ZFP69: variants seen among roughly 807,000 people sequenced by gnomAD.
ZFP69 encodes ZFP69 zinc finger protein.
A neutral mutation model predicts 48.9 loss-of-function variants in ZFP69; 35 were observed. The observed-to-expected ratio is 0.72, with a 90% confidence interval of 0.55 to 0.95. ZFP69 has a LOEUF of 0.95. Among genes scored for constraint, ZFP69 ranks in the 40% least tolerant of loss-of-function variants. The pLI is 0.00. For synonymous variants in ZFP69, 193 were observed against 216.8 expected (o/e 0.89, Z 0.96); for missense variants, 557 against 638.4 (o/e 0.87, Z 1.37).
At position 40,495,683 on chromosome 1, in the gene ZFP69, T is replaced by C. The variant is rs559506806; in HGVS notation, c.1205T>C (p.Ile402Thr). 59 of 1,614,180 alleles carry C rather than the reference T, an allele frequency of 3.7e-5. No homozygotes were observed. In the Admixed American group the frequency reaches 5.8e-4, roughly 16 times the overall value. ...FRQIRHLSEH[I>T]RIHTGEKPYA... is the part of the protein sequence containing the mutation. ...CAGATTAGACACCTTAGTGAACATA[T>C]AAGAATTCATACCGGGGAGAAGCCC... Residue 402 changes from isoleucine (I) to threonine (T), a missense_variant, in exon 6 of 6, where the codon ATA becomes ACA. Physicochemically the swap from Ile to Thr is moderately conservative, Grantham distance 89. Transcript: ENST00000372706.
intron 5 of ZFP69, among the ~76,000 whole-genome samples, chr1:40,494,186 T>G (rs550004929): frequency 1.3e-5 from 2 of 151,956 alleles, no homozygotes; most frequent in East Asian, 3.9e-4. Flanking sequence ...TTAAAAATAC[T>G]TATATTCTTA....
chr1:40,486,570 C>A (rs1403003681), intron 3 of ZFP69, among the ~76,000 whole-genome samples: 1 of 133,222 alleles, frequency 7.5e-6, no homozygotes, highest in African/African-American at 3.1e-5. Context: ...AAGTGTGCGC[C>A]ACCATGCCTG....
Position 40,495,288 on chromosome 1 carries a change from C to G in ZFP69, c.810C>G (p.Thr270=). 1.9e-6 allele frequency: 3 copies of G among 1,613,978 alleles called. No homozygotes were observed. Among genetic ancestry groups the G allele is most frequent in the Non-Finnish European group, 2.5e-6 (3 of 1,179,966 alleles). The change falls in exon 6 of 6, where the codon ACC becomes ACG. Residue 270 remains threonine (T), a synonymous_variant. Coordinates refer to ENST00000372706, the MANE Select transcript of ZFP69 (RefSeq NM_001320179.2). ...CAACAAGTTACATAAGAACAAAAACCTATGAATGTAATATATGTGAAAAAA... is the reference window on the plus strand; with the variant it reads ...CAACAAGTTACATAAGAACAAAAACGTATGAATGTAATATATGTGAAAAAA... ...NHPTSYIRTK[T]YECNICEKIF...
In ZFP69 at chr1:40,496,250, G is replaced by C. The variant is rs1259306163; in HGVS notation, c.*191G>C. 1 of 464,772 alleles carries C rather than the reference G, an allele frequency of 2.2e-6. No homozygotes were observed. Among genetic ancestry groups the C allele is most frequent in the Non-Finnish European group, 3.6e-6 (1 of 274,256 alleles). 28.8% of individuals were successfully genotyped at this position (464,772 alleles called of 1,614,324 possible). A position where few individuals can be genotyped will look rare whatever the true frequency, so the allele number is the denominator to read the frequency against. On this transcript the variant is annotated 3_prime_UTR_variant, in exon 6 of 6. Transcript: ENST00000372706. Reference sequence around the variant, plus strand: ...TAAAAAGTACTTAAGATTAAAATCTGGTCCTTAAAATTAAATGAATTCAGC... The same window carrying C: ...TAAAAAGTACTTAAGATTAAAATCTCGTCCTTAAAATTAAATGAATTCAGC...
chr1:40,482,806 A>G (rs1645455536), intron 3 of ZFP69, among the ~76,000 whole-genome samples: 1 of 152,364 alleles, frequency 6.6e-6, no homozygotes, highest in Non-Finnish European at 1.5e-5. Flanking sequence ...CTAAGTGTTT[A>G]TACATGTGAT....
In ZFP69 at chr1:40,481,759, C is replaced by G; in HGVS notation, c.128-4C>G. ...CAAAGCTCATGGCTCTTTTCCTTCC[C>G]CAGCTCTGCTGTCTCAGGATGCTGA... On this transcript the variant is annotated splice_polypyrimidine_tract_variant and splice_region_variant and intron_variant, in intron 2 of 5. Coordinates refer to ENST00000372706, the MANE Select transcript of ZFP69 (RefSeq NM_001320179.2). The G allele has an allele frequency of 6.2e-7, 1 of 1,602,370 alleles. No individual in the cohort carries two copies. Among genetic ancestry groups the G allele is most frequent in the Non-Finnish European group, 8.5e-7 (1 of 1,172,938 alleles).
At chr1:40,494,684 G>A in intron 5 of ZFP69, among the ~76,000 whole-genome samples, 1 of 141,802 alleles carries the variant, frequency 7.1e-6, no homozygotes, top group Admixed American at 7.2e-5. Context: ...TAAATATTTG[G>A]TATATAAAAT....
rs186937407 is a variant in ZFP69, at chr1:40,484,621, C to T, written c.219+2767C>T. Among the ~76,000 whole-genome samples the T allele has an allele frequency of 2.1e-3, 323 of 151,940 alleles. 4 individuals carry two copies. Among genetic ancestry groups the T allele is most frequent in the African/African-American group, 7.6e-3 (316 of 41,436 alleles). On this transcript the variant is annotated intron_variant, in intron 3 of 5. Coordinates refer to ENST00000372706, the MANE Select transcript of ZFP69 (RefSeq NM_001320179.2). ...ATTGAGACAGAGTCTTGCTCTGTTG[C>T]CCAGGCTGGAGTGCAGTGGTGCAAT...
chr1:40,494,452 T>G, intron 5 of ZFP69, among the ~76,000 whole-genome samples: 1 of 145,760 alleles, frequency 6.9e-6, no homozygotes, highest in East Asian at 2.0e-4. Flanking sequence ...GTATTTTTAG[T>G]AGAGACGGGG....
intron 5 of ZFP69, among the ~76,000 whole-genome samples, chr1:40,494,252 CAA>C (rs765375480): frequency 1.3e-5 from 1 of 79,668 alleles, no homozygotes; most frequent in Non-Finnish European, 2.2e-5. Flanking sequence ...CTAAAAGATT[CAA>C]AATTTTTTTT....
chr1:40,480,067 C>G (rs1368470000), intron 2 of ZFP69, among the ~76,000 whole-genome samples: 1 of 152,156 alleles, frequency 6.6e-6, no homozygotes, highest in Non-Finnish European at 1.5e-5. Flanking sequence ...ATGCTTTACA[C>G]TCAGCCAGTA....
chr1:40,489,432 T>C (rs889914728), intron 4 of ZFP69, 97 bp from the exon 5 acceptor site: 1 of 1,227,974 alleles, frequency 8.1e-7, no homozygotes, highest in Middle Eastern at 2.2e-4. Flanking sequence ...CCCTTTCCAC[T>C]TGTGGAGACC....
In ZFP69 at chr1:40,495,423, TAC is replaced by T. The variant is rs761437662; in HGVS notation, c.950_951del (p.His317ProfsTer7). On this transcript the variant is annotated frameshift_variant, in exon 6 of 6. Transcript: ENST00000372706. LOFTEE classifies it high-confidence loss of function. ...RAFSQSASLS[T>X]HQRIHTGEKP... ...CCTTTAGTCAAAGTGCATCCCTCAG[TAC>T]ACACCAGAGAATCCATACTGGTGAG... The T allele has an allele frequency of 6.2e-6, 10 of 1,614,170 alleles. No homozygotes were observed. The highest frequency in any genetic ancestry group is 7.6e-6 in the Non-Finnish European group (9 of 1,180,024).
At chr1:40,486,067 CTTATTTTATT>C (rs912893257) in intron 3 of ZFP69, among the ~76,000 whole-genome samples, 1 of 151,820 alleles carries the variant, frequency 6.6e-6, no homozygotes, top group African/African-American at 2.4e-5. Flanking sequence ...CCACACCCGC[CTTATTTTATT>C]TTATTTTATT....
chr1:40,496,232 T>C lies in ZFP69; in HGVS notation c.*173T>C. On this transcript the variant is annotated 3_prime_UTR_variant, in exon 6 of 6. Transcript: ENST00000372706. ...ATTGACTACTAACACCTCTAAAAAGTACTTAAGATTAAAATCTGGTCCTTA... is the reference window on the plus strand; with the variant it reads ...ATTGACTACTAACACCTCTAAAAAGCACTTAAGATTAAAATCTGGTCCTTA... The C allele has an allele frequency of 1.9e-6, 1 of 517,580 alleles. No homozygotes were observed. The allele number at this position is 517,580 out of a possible 1,614,324, so 32.1% of individuals were successfully genotyped here.
Position 40,495,218 on chromosome 1 carries a change from C to T in ZFP69, c.740C>T (p.Thr247Ile). 2 of 1,614,056 alleles carry T rather than the reference C, an allele frequency of 1.2e-6. No homozygotes were observed. The highest frequency in any genetic ancestry group is 1.3e-5 in the African/African-American group (1 of 75,024). ...IIEQRHHKYD[T>I]PTKRNTYKLD... is the part of the protein sequence containing the mutation. Reference sequence around the variant, plus strand: ...GAACAGAGGCACCATAAATATGATACACCTACAAAGCGGAACACATACAAA... The same window carrying T: ...GAACAGAGGCACCATAAATATGATATACCTACAAAGCGGAACACATACAAA... Residue 247 changes from threonine (T) to isoleucine (I), a missense_variant, in exon 6 of 6, where the codon ACA (threonine) becomes ATA (isoleucine). Thr to Ile is a moderately conservative substitution (Grantham distance 89). Transcript: ENST00000372706.
chr1:40,494,547 C>T (rs1036534911), intron 5 of ZFP69, among the ~76,000 whole-genome samples: 1 of 146,832 alleles, frequency 6.8e-6, no homozygotes, highest in African/African-American at 2.5e-5. Context: ...GGATTACAGG[C>T]GTGAGCCACC....
intron 5 of ZFP69, chr1:40,490,839 G>A (rs1026276031): frequency 4.0e-5 from 6 of 151,762 alleles, no homozygotes; most frequent in Non-Finnish European, 8.8e-5. Flanking sequence ...ACCAAATGTC[G>A]GGGTCCCTAA....
chr1:40,482,618 T>C (rs552006366), intron 3 of ZFP69, among the ~76,000 whole-genome samples: 12 of 152,330 alleles, frequency 7.9e-5, no homozygotes, highest in Non-Finnish European at 1.3e-4. Context: ...ACTTTAGCTT[T>C]TGTTTTTTTT....
Sources: allele counts gnomAD v4.1 joint callset (sites outside exome capture counted in the v4.1 genomes callset), GRCh38; gene constraint gnomAD v4.1.1; transcripts MANE v1.5; gene names NCBI Gene and HGNC (gene_info 2026-07-23, HGNC 2026-07-21).